TIMMDC1: variants seen among roughly 807,000 people sequenced by gnomAD.
TIMMDC1 encodes complex I assembly factor TIMMDC1, mitochondrial.
Under a neutral mutation model 32.6 loss-of-function variants are expected in TIMMDC1, and 25 were observed. The observed-to-expected ratio is 0.77, with a 90% CI of 0.56 to 1.07. TIMMDC1 has a LOEUF of 1.07. Ranked by LOEUF, TIMMDC1 falls within the 50% of genes least tolerant of loss-of-function variation. TIMMDC1 has a pLI of 0.00. For missense variants in TIMMDC1, 329 were observed against 349.2 expected, an observed-to-expected ratio of 0.94 and a Z score of 0.46; for synonymous variants, 130 against 127.6, an observed-to-expected ratio of 1.02 and a Z score of -0.13.
intron 6 of TIMMDC1, among the ~76,000 whole-genome samples, chr3:119,518,155 A>G (rs2081998341): frequency 6.6e-6 from 1 of 152,048 alleles, no homozygotes; most frequent in Non-Finnish European, 1.5e-5. Flanking sequence ...ATCTCCTGGG[A>G]TGCAATTTGT....
At chr3:119,504,097 ACT>A in intron 4 of TIMMDC1, 76 bp downstream of exon 4, 1 of 1,111,906 alleles carries the variant, frequency 9.0e-7, no homozygotes, top group South Asian at 1.3e-5. Context: ...ATACATCAGA[ACT>A]ACTGAATTCT....
intron 6 of TIMMDC1, among the ~76,000 whole-genome samples, chr3:119,518,796 C>G (rs923724800): frequency 6.6e-6 from 1 of 152,142 alleles, no homozygotes; most frequent in Non-Finnish European, 1.5e-5. Flanking sequence ...TACCTCCCCC[C>G]ATCAGTTTAA....
At chr3:119,502,768 C>T (rs1010194840) in intron 2 of TIMMDC1, among the ~76,000 whole-genome samples, 1 of 151,876 alleles carries the variant, frequency 6.6e-6, no homozygotes, top group Non-Finnish European at 1.5e-5. Context: ...GCTATGTTGC[C>T]CAGGCTGGTC....
Position 119,500,863 on chromosome 3 carries a change from A to G in TIMMDC1, c.360+3A>G. The stretch of plus-strand genomic sequence containing the variant: ...ATCATAACCGGTTTGATGCTGTGGT[A>G]TGTACTGGTGATCTAAAGAAATTTG... On this transcript the variant is annotated splice_donor_region_variant and intron_variant, in intron 2 of 6. Transcript: ENST00000494664. 1 of 1,611,836 alleles carries G rather than the reference A, an allele frequency of 6.2e-7. No individual in the cohort carries two copies. Among genetic ancestry groups the G allele is most frequent in the Non-Finnish European group, 8.5e-7 (1 of 1,179,176 alleles).
At chr3:119,516,639 A>G (rs1314212355) in intron 5 of TIMMDC1, among the ~76,000 whole-genome samples, 2 of 152,170 alleles carry the variant, frequency 1.3e-5, no homozygotes, top group African/African-American at 4.8e-5. Flanking sequence ...CTTCATCACT[A>G]TAATAATTAT....
At chr3:119,516,715 T>C (rs1454901378) in intron 5 of TIMMDC1, among the ~76,000 whole-genome samples, 1 of 152,150 alleles carries the variant, frequency 6.6e-6, no homozygotes, top group Non-Finnish European at 1.5e-5. Context: ...GCCAGACTCT[T>C]GAACTTCAGG....
At chr3:119,502,353 C>G (rs758307245) in intron 2 of TIMMDC1, among the ~76,000 whole-genome samples, 33 of 151,884 alleles carry the variant, frequency 2.2e-4, no homozygotes, top group Non-Finnish European at 3.8e-4. Flanking sequence ...TCTCAGCCTC[C>G]CAAGTAGCTG....
chr3:119,524,669 A>T lies in TIMMDC1; in HGVS notation c.*913A>T, dbSNP rs1479005777. 2.0e-5 allele frequency: 3 copies of T among 152,252 alleles called. No homozygotes were observed. The highest frequency in any genetic ancestry group is 4.4e-5 in the Non-Finnish European group (3 of 68,044). 9.4% of individuals were successfully genotyped at this position (152,252 alleles called of 1,614,324 possible). ...TTTTGCTGTTCAACTCCAGATTTTC[A>T]GATGATAATGTGATTATCCCAGCTT... On this transcript the variant is annotated 3_prime_UTR_variant, in exon 7 of 7. Coordinates refer to ENST00000494664, the MANE Select transcript of TIMMDC1 (RefSeq NM_016589.4).
At chr3:119,521,832 G>A (rs2082028792) in intron 6 of TIMMDC1, among the ~76,000 whole-genome samples, 1 of 152,150 alleles carries the variant, frequency 6.6e-6, no homozygotes. Context: ...ACAATGAAAT[G>A]TGGTTTGGGG....
At chr3:119,519,595 C>CATAT (rs375514181) in intron 6 of TIMMDC1, among the ~76,000 whole-genome samples, 2 of 151,010 alleles carry the variant, frequency 1.3e-5, no homozygotes, top group Non-Finnish European at 3.0e-5. Flanking sequence ...CCAGAGCATC[C>CATAT]ATATATATAT....
At chr3:119,516,235 A>G (rs1003130716) in intron 5 of TIMMDC1, among the ~76,000 whole-genome samples, 7 of 152,188 alleles carry the variant, frequency 4.6e-5, no homozygotes, top group Non-Finnish European at 5.9e-5. Flanking sequence ...ATATGCATTA[A>G]AAACTAATTT....
At chr3:119,500,600 G>T in intron 1 of TIMMDC1, 95 bp from the exon 2 acceptor site, 1 of 1,054,734 alleles carries the variant, frequency 9.5e-7, no homozygotes, top group East Asian at 2.5e-5. Flanking sequence ...AAAATGTTGT[G>T]GTGGTAGCAT....
intron 6 of TIMMDC1, among the ~76,000 whole-genome samples, chr3:119,517,716 C>T (rs2081995528): frequency 6.6e-6 from 1 of 152,140 alleles, no homozygotes; most frequent in Admixed American, 6.5e-5. Flanking sequence ...GCCTGTAATC[C>T]CAGCACTTTG....
At chr3:119,523,507 A>C in intron 6 of TIMMDC1, 99 bp from the exon 7 acceptor site, 1 of 1,265,874 alleles carries the variant, frequency 7.9e-7, no homozygotes, top group Non-Finnish European at 1.1e-6. Context: ...GCTATACCAA[A>C]GCAGGGAGGA....
intron 6 of TIMMDC1, among the ~76,000 whole-genome samples, chr3:119,519,904 A>G (rs544933153): frequency 1.7e-3 from 246 of 146,196 alleles, no homozygotes; most frequent in African/African-American, 6.0e-3. Flanking sequence ...AATAACATCA[A>G]ATATTTTTTC....
intron 6 of TIMMDC1, among the ~76,000 whole-genome samples, chr3:119,518,755 A>T (rs1250157270): frequency 6.6e-6 from 1 of 152,018 alleles, no homozygotes; most frequent in African/African-American, 2.4e-5. Flanking sequence ...CCCCCTGAAG[A>T]CTGGCTCATC....
intron 1 of TIMMDC1, chr3:119,500,468 A>G (rs571585613): frequency 4.7e-6 from 2 of 426,734 alleles, no homozygotes; most frequent in Non-Finnish European, 8.3e-6. Context: ...TTTTCCGGTC[A>G]TTGTCTTTTC....
chr3:119,522,690 T>C (rs1206588570), intron 6 of TIMMDC1, among the ~76,000 whole-genome samples: 3 of 152,184 alleles, frequency 2.0e-5, no homozygotes, highest in African/African-American at 7.2e-5. Flanking sequence ...TATGTACAAT[T>C]ATTAGTATCA....
In TIMMDC1 at chr3:119,513,733, T is replaced by C. The variant is rs765372885; in HGVS notation, c.596+14T>C. 4 of 1,571,392 alleles carry C rather than the reference T, an allele frequency of 2.5e-6. No individual in the cohort carries two copies. The highest frequency in any genetic ancestry group is 3.4e-6 in the Non-Finnish European group (4 of 1,161,572). On this transcript the variant is annotated intron_variant, in intron 5 of 6. Coordinates refer to ENST00000494664, the MANE Select transcript of TIMMDC1 (RefSeq NM_016589.4). ...AGCCTTGCTGGGGTAAGCATTAACA[T>C]GGTTTGGTTCTAAATTGGCACAATT...
Sources: allele counts gnomAD v4.1 joint callset (sites outside exome capture counted in the v4.1 genomes callset), GRCh38; gene constraint gnomAD v4.1.1; transcripts MANE v1.5; gene names NCBI Gene and HGNC (gene_info 2026-07-23, HGNC 2026-07-21).